U2SURP: variants seen among roughly 807,000 people sequenced by gnomAD.
U2SURP encodes the protein U2 snRNP-associated SURP motif-containing protein.
Under a neutral mutation model 144.9 loss-of-function variants are expected in U2SURP, and 9 were observed. The ratio of observed to expected loss-of-function variants is 0.06; its 90% CI spans 0.04 to 0.11. The LOEUF is 0.11. Ranked by LOEUF, U2SURP falls within the 10% of genes least tolerant of loss-of-function variation. The pLI is 1.00. For synonymous variants in U2SURP, 408 were observed against 396.8 expected, an observed-to-expected ratio of 1.03 and a Z score of -0.33; for missense variants, 724 against 1,226.7, an observed-to-expected ratio of 0.59 and a Z score of 6.12.
Position 143,022,645 on chromosome 3 carries a change from C to G in U2SURP, c.1001C>G (p.Ala334Gly). 1 of 1,609,946 alleles carries G rather than the reference C, an allele frequency of 6.2e-7. No individual in the cohort carries two copies. The highest frequency in any genetic ancestry group is 8.5e-7 in the Non-Finnish European group (1 of 1,178,870). Reference protein sequence around the residue: ...AFMNRRDAERALKNLNGKMIM... With the variant: ...AFMNRRDAERGLKNLNGKMIM... ...ATGAATAGAAGAGATGCTGAAAGAG[C>G]TTTAAAAAATTTGAATGGTAAGAAC... is the stretch of plus-strand genomic sequence containing the variant. The change falls in exon 11 of 28, where the codon GCT (alanine) becomes GGT (glycine). Residue 334 changes from alanine to glycine, a missense_variant. By Grantham distance (60) the Ala-to-Gly change is moderately conservative (BLOSUM62 0). Transcript: ENST00000473835.
In U2SURP at chr3:143,004,576, C is replaced by G. The variant is rs1169084046; in HGVS notation, c.45+2903C>G. 7.5e-5 allele frequency among the ~76,000 whole-genome samples: 9 copies of G among 120,164 alleles called. 3 individuals are homozygous for G. Among genetic ancestry groups the G allele is most frequent in the Non-Finnish European group, 1.1e-4 (6 of 56,402 alleles). The allele number at this position is 120,164 out of a possible 152,430, so 78.8% of individuals were successfully genotyped here. On this transcript the variant is annotated intron_variant, in intron 1 of 27. Coordinates refer to ENST00000473835, the MANE Select transcript of U2SURP (RefSeq NM_001080415.2). The stretch of plus-strand genomic sequence containing the variant: ...CTGTTGGCCTCTTGACCTTGTGACC[C>G]CCCCCCCCCGCCTCGGCCTCCCAAA...
intron 22 of U2SURP, 59 bp downstream of exon 22, chr3:143,038,262 G>C: frequency 7.9e-7 from 1 of 1,264,120 alleles, no homozygotes. Context: ...AATTATTGGT[G>C]TGCTTGTATA....
At chr3:143,047,019 T>C (rs375046278) in intron 24 of U2SURP, among the ~76,000 whole-genome samples, 6 of 123,256 alleles carry the variant, frequency 4.9e-5, no homozygotes, top group African/African-American at 1.0e-4. Context: ...ACCTCCCTCC[T>C]GGATGGGGCG....
chr3:143,032,968 A>G (rs1443219291), intron 17 of U2SURP, 22 bp downstream of exon 17: 1 of 1,602,986 alleles, frequency 6.2e-7, no homozygotes, highest in Admixed American at 1.7e-5. Flanking sequence ...AATTTTAAGA[A>G]AAGGGGAGAT....
intron 13 of U2SURP, 118 bp downstream of exon 13, chr3:143,024,136 G>A: frequency 3.2e-6 from 3 of 925,234 alleles, no homozygotes; most frequent in Non-Finnish European, 5.1e-6. Context: ...TTCCTTCCCA[G>A]TACTTTTTGC....
intron 23 of U2SURP, 101 bp downstream of exon 23, chr3:143,039,061 C>A: frequency 5.8e-6 from 5 of 859,912 alleles, no homozygotes; most frequent in Non-Finnish European, 8.2e-6. Context: ...AAACTTCACT[C>A]TTAAAAAATT....
At chr3:143,039,341 T>C (rs994424471) in intron 23 of U2SURP, among the ~76,000 whole-genome samples, 1 of 151,938 alleles carries the variant, frequency 6.6e-6, no homozygotes, top group Non-Finnish European at 1.5e-5. Flanking sequence ...AGAAAAAGAT[T>C]GCATTATGGC....
intron 2 of U2SURP, 123 bp from the exon 3 acceptor site, chr3:143,012,099 G>C (rs1936142795): frequency 3.2e-6 from 4 of 1,233,746 alleles, no homozygotes; most frequent in Non-Finnish European, 4.6e-6. Context: ...ATTAAGGGAT[G>C]TGATATTTTG....
At chr3:143,014,996 T>C (rs1936295738) in intron 4 of U2SURP, among the ~76,000 whole-genome samples, 1 of 152,056 alleles carries the variant, frequency 6.6e-6, no homozygotes, top group African/African-American at 2.4e-5. Flanking sequence ...TTCTTATAAG[T>C]GAGATTACTG....
At chr3:143,039,851 T>G (rs1304120138) in intron 23 of U2SURP, among the ~76,000 whole-genome samples, 1 of 151,868 alleles carries the variant, frequency 6.6e-6, no homozygotes, top group Non-Finnish European at 1.5e-5. Flanking sequence ...TGAAAACTTG[T>G]CTACAATGAT....
rs746927386 is a variant in U2SURP at position 143,056,493 on chromosome 3, GTTTTGTGCCTGAACGGTCTGT to G, written c.*48_*68del. On this transcript the variant is annotated 3_prime_UTR_variant, in exon 28 of 28. Coordinates refer to ENST00000473835, the MANE Select transcript of U2SURP (RefSeq NM_001080415.2). ...CTGTCACTTATTGGAAATGCGATTT[GTTTTGTGCCTGAACGGTCTGT>G]TTTTTAAAAAAACAAAAAATCAAAT... is the stretch of plus-strand genomic sequence containing the variant. 1.2e-6 allele frequency: 2 copies of G among 1,602,544 alleles called. No homozygotes were observed. The highest frequency in any genetic ancestry group is 1.1e-5 in the South Asian group (1 of 89,612).
intron 24 of U2SURP, among the ~76,000 whole-genome samples, chr3:143,047,993 C>A (rs1449982767): frequency 6.6e-6 from 1 of 152,128 alleles, no homozygotes; most frequent in Non-Finnish European, 1.5e-5. Flanking sequence ...TACTATTGTC[C>A]CCATTTCTAC....
chr3:143,034,972 T>G lies in U2SURP; in HGVS notation c.1938T>G (p.Phe646Leu). ...TIQGHLQSEN[F>L]KQRVMTCFRA... Reference sequence around the variant, plus strand: ...AAGGCCATTTACAATCTGAAAACTTTAAGGTACGTTTATTGTTTTACTATT... The same window carrying G: ...AAGGCCATTTACAATCTGAAAACTTGAAGGTACGTTTATTGTTTTACTATT... Residue 646 changes from phenylalanine to leucine, a missense_variant, in exon 19 of 28, where the codon TTT becomes TTG. Transcript: ENST00000473835. 2 of 1,540,340 alleles carry G rather than the reference T, an allele frequency of 1.3e-6. No homozygotes were observed. The highest frequency in any genetic ancestry group is 1.8e-6 in the Non-Finnish European group (2 of 1,135,394).
rs779031489 is a variant in U2SURP at position 143,055,026 on chromosome 3, G to T, written c.2858G>T (p.Arg953Leu). ...AAATCCCCATCACCAAAATCGGAGC[G>T]ATCAGAGCGTTCAGAAAGATCTCAT... ...RVKSPSPKSE[R>L]SERSERSHKE... The change falls in exon 27 of 28, where the codon CGA (arginine) becomes CTA (leucine). Residue 953 changes from arginine to leucine, a missense_variant. Coordinates refer to ENST00000473835, the MANE Select transcript of U2SURP (RefSeq NM_001080415.2). 6.2e-7 allele frequency: 1 copy of T among 1,608,202 alleles called. No individual in the cohort carries two copies. The highest frequency in any genetic ancestry group is 8.5e-7 in the Non-Finnish European group (1 of 1,177,330).
intron 11 of U2SURP, 42 bp from the exon 12 acceptor site, chr3:143,022,811 T>G (rs1382656695): frequency 3.4e-6 from 5 of 1,489,258 alleles, no homozygotes; most frequent in Non-Finnish European, 4.5e-6. Flanking sequence ...GTTTGGAAAC[T>G]TTTGAGAGTT....
At position 143,054,928 on chromosome 3, in the gene U2SURP, G is replaced by C; in HGVS notation, c.2775-15G>C. 1 of 1,571,622 alleles carries C rather than the reference G, an allele frequency of 6.4e-7. No homozygotes were observed. Among genetic ancestry groups the C allele is most frequent in the Non-Finnish European group, 8.6e-7 (1 of 1,165,740 alleles). ...TTGCTCATTTATGGAATGTTTTGGG[G>C]GCTTTGTTCCATAGGAAGAGGCGAC... On this transcript the variant is annotated splice_polypyrimidine_tract_variant and intron_variant, in intron 26 of 27. Coordinates refer to ENST00000473835, the MANE Select transcript of U2SURP (RefSeq NM_001080415.2).
intron 27 of U2SURP, 136 bp from the exon 28 acceptor site, chr3:143,056,176 A>C: frequency 4.6e-6 from 4 of 873,748 alleles, no homozygotes; most frequent in Non-Finnish European, 6.8e-6. Context: ...TAGAGTTTAA[A>C]TTTTAGAAGT....
chr3:143,009,189 G>C (rs1308521757), intron 1 of U2SURP, among the ~76,000 whole-genome samples: 3 of 152,146 alleles, frequency 2.0e-5, no homozygotes, highest in African/African-American at 7.2e-5. Context: ...GTGTTTCATA[G>C]TTAATAAATA....
At chr3:143,009,918 A>G (rs759004718) in intron 1 of U2SURP, among the ~76,000 whole-genome samples, 104 of 152,214 alleles carry the variant, frequency 6.8e-4, no homozygotes, top group Non-Finnish European at 9.3e-4. Flanking sequence ...TGTGATCTCA[A>G]TATTCTTGAT....
Sources: allele counts gnomAD v4.1 joint callset (sites outside exome capture counted in the v4.1 genomes callset), GRCh38; gene constraint gnomAD v4.1.1; transcripts MANE v1.5; gene names NCBI Gene and HGNC (gene_info 2026-07-23, HGNC 2026-07-21).